MARCHF1: variants seen among roughly 807,000 people sequenced by gnomAD.
MARCHF1 encodes the protein membrane associated ring-CH-type finger 1.
Under a neutral mutation model 54.2 loss-of-function variants are expected in MARCHF1, and 40 were observed. The ratio of observed to expected loss-of-function variants is 0.74; its 90% CI spans 0.57 to 0.96. The LOEUF (loss-of-function observed/expected upper bound fraction) is 0.96, where lower values mean the gene tolerates loss of function less well. Among genes scored for constraint, MARCHF1 ranks in the 40% least tolerant of loss-of-function variants. The probability of loss-of-function intolerance (pLI) is 0.00; values close to 1 mark genes in which losing one functional copy is unlikely to be tolerated. For synonymous variants in MARCHF1, 236 were observed against 236.3 expected (o/e 1.00, Z 0.01); for missense variants, 586 against 656.5 (o/e 0.89, Z 1.17).
intron 1 of MARCHF1, among the ~76,000 whole-genome samples, chr4:164,382,290 G>C (rs2110992985): frequency 6.6e-6 from 1 of 152,176 alleles, no homozygotes; most frequent in East Asian, 1.9e-4. Context: ...TTTCAGAAAA[G>C]CTTCATTAGA....
chr4:163,930,851 A>G (rs1028893273), intron 3 of MARCHF1, among the ~76,000 whole-genome samples: 1 of 152,104 alleles, frequency 6.6e-6, no homozygotes, highest in African/African-American at 2.4e-5. Context: ...TTTGGATGAA[A>G]TGAATGTACT....
At chr4:164,185,738 AAAAGT>A (rs1267606949) in intron 1 of MARCHF1, among the ~76,000 whole-genome samples, 1 of 152,168 alleles carries the variant, frequency 6.6e-6, no homozygotes, top group Non-Finnish European at 1.5e-5. Flanking sequence ...TATTTTCAGA[AAAAGT>A]AAACACTAAA....
intron 4 of MARCHF1, among the ~76,000 whole-genome samples, chr4:163,801,147 T>G (rs1413225121): frequency 6.6e-6 from 1 of 152,094 alleles, no homozygotes; most frequent in African/African-American, 2.4e-5. Flanking sequence ...ACTCGGGAGT[T>G]GGAGGAAGAA....
intron 4 of MARCHF1, among the ~76,000 whole-genome samples, chr4:163,825,244 C>A (rs1748815184): frequency 6.6e-6 from 1 of 151,946 alleles, no homozygotes; most frequent in Admixed American, 6.6e-5. Flanking sequence ...GCCTCCAGCT[C>A]CAACCATGTT....
chr4:164,015,223 A>G (rs1356713523), intron 2 of MARCHF1, among the ~76,000 whole-genome samples: 1 of 152,166 alleles, frequency 6.6e-6, no homozygotes, highest in Non-Finnish European at 1.5e-5. Context: ...ATCTCCAATA[A>G]ATAGTGCTAG....
At chr4:163,862,133 G>C (rs1274853022) in intron 3 of MARCHF1, among the ~76,000 whole-genome samples, 1 of 151,980 alleles carries the variant, frequency 6.6e-6, no homozygotes, top group East Asian at 1.9e-4. Context: ...GAAAATGTGG[G>C]TGACCTTGGG....
intron 1 of MARCHF1, among the ~76,000 whole-genome samples, chr4:164,172,405 C>G (rs904703879): frequency 1.3e-5 from 2 of 151,948 alleles, no homozygotes; most frequent in African/African-American, 4.8e-5. Flanking sequence ...GTTCTAAGCA[C>G]TAGGGAAAGA....
chr4:163,530,068 G>A (rs777011355), intron 9 of MARCHF1: 4 of 152,002 alleles, frequency 2.6e-5, no homozygotes, highest in Non-Finnish European at 4.4e-5. Context: ...TTACAACAGT[G>A]ATTAGAGTTA....
intron 4 of MARCHF1, among the ~76,000 whole-genome samples, chr4:163,787,131 T>C (rs767523188): frequency 6.6e-6 from 1 of 151,704 alleles, no homozygotes; most frequent in Non-Finnish European, 1.5e-5. Flanking sequence ...ACTTCTAGAA[T>C]TAAAAAAAGG....
chr4:163,672,591 G>A (rs1281648255), intron 5 of MARCHF1, among the ~76,000 whole-genome samples: 1 of 151,946 alleles, frequency 6.6e-6, no homozygotes, highest in South Asian at 2.1e-4. Context: ...ATATTGTTTT[G>A]ATGTGTCATA....
At chr4:164,377,831 T>C (rs1049852977) in intron 1 of MARCHF1, among the ~76,000 whole-genome samples, 3 of 152,246 alleles carry the variant, frequency 2.0e-5, no homozygotes, top group Non-Finnish European at 4.4e-5. Context: ...GGCTGTTTGA[T>C]AGAACCTGCC....
chr4:163,914,615 G>A (rs1046931251), intron 3 of MARCHF1, among the ~76,000 whole-genome samples: 14 of 152,016 alleles, frequency 9.2e-5, no homozygotes, highest in African/African-American at 3.4e-4. Context: ...GAATTAAATA[G>A]ACAACATCCT....
chr4:163,721,432 A>T (rs1000025848), intron 4 of MARCHF1, among the ~76,000 whole-genome samples: 1 of 152,112 alleles, frequency 6.6e-6, no homozygotes, highest in African/African-American at 2.4e-5. Flanking sequence ...TTGGTTTGCC[A>T]GTATTTTATT....
chr4:163,612,973 C>A lies in MARCHF1; in HGVS notation c.308G>T (p.Ser103Ile), dbSNP rs1741395727. The change falls in exon 7 of 10, where the codon AGC becomes ATC. Residue 103 changes from serine to isoleucine, a missense_variant. This residue lies in a region of MARCHF1 where 387 missense variants were observed against 394.6 expected (regional missense o/e 0.98). Transcript: ENST00000514618. ...FEYCTPVMVL[S>I]PARKESGKKS... ...CTTACCAGACTCCTTCCTAGCAGGG[C>A]TCAGCACCATGACAGGGGTGCAATA... 6.5e-7 allele frequency: 1 copy of A among 1,531,980 alleles called. No individual in the cohort carries two copies. Among genetic ancestry groups the A allele is most frequent in the African/African-American group, 1.4e-5 (1 of 72,804 alleles). The allele number at this position is 1,531,980 out of a possible 1,614,324, so 94.9% of individuals were successfully genotyped here. A position where few individuals can be genotyped will look rare whatever the true frequency, so the allele number is the denominator to read the frequency against.
chr4:163,876,061 CTT>C (rs1007479941), intron 3 of MARCHF1, among the ~76,000 whole-genome samples: 12 of 152,092 alleles, frequency 7.9e-5, no homozygotes, highest in Non-Finnish European at 1.5e-4. Flanking sequence ...GACACAATCT[CTT>C]TATTTTAAAA....
At chr4:163,673,970 A>G (rs894086907) in intron 5 of MARCHF1, among the ~76,000 whole-genome samples, 12 of 152,144 alleles carry the variant, frequency 7.9e-5, no homozygotes, top group Non-Finnish European at 1.5e-5. Context: ...AGAAATAACA[A>G]ACAAAAACCC....
At position 164,291,019 on chromosome 4, in the gene MARCHF1, G is replaced by A. The variant is rs144802971; in HGVS notation, c.-323+92851C>T. ...GTTTTTTAAATTATGATGCTTATCC[G>A]TAGTATTACAATTGTTTATTATCTT... On this transcript the variant is annotated intron_variant, in intron 1 of 9. Transcript: ENST00000514618. 4.4e-3 allele frequency among the ~76,000 whole-genome samples: 666 copies of A among 151,488 alleles called. 2 individuals are homozygous for A. The highest frequency in any genetic ancestry group is 0.01 in the African/African-American group (419 of 41,380).
chr4:163,946,226 G>A (rs1474652028), intron 3 of MARCHF1, among the ~76,000 whole-genome samples: 3 of 152,072 alleles, frequency 2.0e-5, no homozygotes. Flanking sequence ...TTTCTACTAT[G>A]TGCCTGGGGT....
At chr4:164,135,326 T>A (rs1245253270) in intron 1 of MARCHF1, 3 of 152,184 alleles carry the variant, frequency 2.0e-5, no homozygotes, top group Non-Finnish European at 4.4e-5. Context: ...CTGCTTAAAT[T>A]TTTAAAGCCA....
Sources: allele counts gnomAD v4.1 joint callset (sites outside exome capture counted in the v4.1 genomes callset), GRCh38; gene constraint gnomAD v4.1.1; regional missense constraint gnomAD v4.1.1; transcripts MANE v1.5; gene names NCBI Gene and HGNC (gene_info 2026-07-23, HGNC 2026-07-21).